CA10: variants seen among roughly 807,000 people sequenced by gnomAD.
The protein encoded by CA10 is carbonic anhydrase-related protein 10.
Under a neutral mutation model 44.2 loss-of-function variants are expected in CA10, and 14 were observed. The ratio of observed to expected loss-of-function variants is 0.32; its 90% CI spans 0.21 to 0.50. The LOEUF is 0.50. Among genes scored for constraint, CA10 ranks in the 20% least tolerant of loss-of-function variants. CA10 has a pLI of 0.99. For synonymous variants in CA10, 159 were observed against 141.6 expected, an observed-to-expected ratio of 1.12 and a Z score of -0.87; for missense variants, 350 against 409.7, an observed-to-expected ratio of 0.85 and a Z score of 1.26.
rs529160600 is a variant in CA10, at chr17:51,849,172, T to C, written c.279+81818A>G. On this transcript the variant is annotated intron_variant, in intron 3 of 8. Coordinates refer to ENST00000451037, the MANE Select transcript of CA10 (RefSeq NM_020178.5). ...ATATATATACATATATGTATATATA[T>C]ATACATATATGTATATATATATATA... 3.6e-3 allele frequency among the ~76,000 whole-genome samples: 366 copies of C among 102,964 alleles called. 2 individuals are homozygous for C. The highest frequency in any genetic ancestry group is 5.4e-3 in the Non-Finnish European group (261 of 48,628). 67.5% of individuals were successfully genotyped at this position (102,964 alleles called of 152,430 possible).
intron 4 of CA10, among the ~76,000 whole-genome samples, chr17:51,677,175 G>T (rs756446910): frequency 2.0e-5 from 3 of 152,120 alleles, no homozygotes; most frequent in Non-Finnish European, 4.4e-5. Flanking sequence ...ATAAATGGTG[G>T]TGATATGGTT....
chr17:51,666,194 C>A (rs937800690), intron 4 of CA10, among the ~76,000 whole-genome samples: 24 of 152,186 alleles, frequency 1.6e-4, no homozygotes, highest in African/African-American at 5.8e-4. Flanking sequence ...GAGGGAAGAC[C>A]TTAGAGGCAG....
intron 3 of CA10, among the ~76,000 whole-genome samples, chr17:51,836,242 A>G (rs1475210664): frequency 6.6e-6 from 1 of 152,200 alleles, no homozygotes; most frequent in Admixed American, 6.5e-5. Flanking sequence ...TCTATAGGCT[A>G]AAGGTTGGTT....
At chr17:51,849,179 A>G (rs562093606) in intron 3 of CA10, among the ~76,000 whole-genome samples, 3 of 86,028 alleles carry the variant, frequency 3.5e-5, no homozygotes, top group African/African-American at 5.1e-5. Context: ...ATATATACAT[A>G]TATGTATATA....
chr17:52,107,386 A>G (rs1988682691), intron 1 of CA10, among the ~76,000 whole-genome samples: 1 of 152,198 alleles, frequency 6.6e-6, no homozygotes, highest in Admixed American at 6.5e-5. Context: ...ATTTTCGGAA[A>G]GATAATTCCT....
chr17:51,996,966 A>G (rs1416127409), intron 2 of CA10, among the ~76,000 whole-genome samples: 1 of 152,102 alleles, frequency 6.6e-6, no homozygotes, highest in Non-Finnish European at 1.5e-5. Context: ...TTCTGAAAAT[A>G]TCTAACTTTC....
Position 51,689,011 on chromosome 17 carries a change from G to A in CA10, c.466-35275C>T, listed in dbSNP as rs143128748. On this transcript the variant is annotated intron_variant, in intron 4 of 8. Transcript: ENST00000451037. The stretch of plus-strand genomic sequence containing the variant: ...TCTCTATTTTATATAAGGGGTAACG[G>A]AGGCACAGATTTAAGCACGCAGTAG... 9.3e-3 allele frequency among the ~76,000 whole-genome samples: 1,409 copies of A among 152,236 alleles called. 8 individuals carry two copies. Among genetic ancestry groups the A allele is most frequent in the Non-Finnish European group, 0.014 (980 of 68,024 alleles).
chr17:52,084,807 C>A (rs891384360), intron 1 of CA10, among the ~76,000 whole-genome samples: 1 of 93,618 alleles, frequency 1.1e-5, no homozygotes, highest in Non-Finnish European at 2.2e-5. Context: ...TCACAGAATA[C>A]AGACTATATT....
intron 3 of CA10, among the ~76,000 whole-genome samples, chr17:51,858,793 G>T (rs989060124): frequency 1.3e-4 from 20 of 152,282 alleles, no homozygotes; most frequent in African/African-American, 4.3e-4. Flanking sequence ...AGTGGCTAGT[G>T]AAGGGTAGTT....
At chr17:52,113,668 G>A (rs1331675167) in intron 1 of CA10, among the ~76,000 whole-genome samples, 1 of 152,190 alleles carries the variant, frequency 6.6e-6, no homozygotes, top group Non-Finnish European at 1.5e-5. Flanking sequence ...AAATCCACAT[G>A]ATGTAAATTT....
chr17:51,754,962 A>G (rs1400501639), intron 3 of CA10, among the ~76,000 whole-genome samples: 1 of 151,884 alleles, frequency 6.6e-6, no homozygotes, highest in Non-Finnish European at 1.5e-5. Context: ...ATATCTGTAT[A>G]TATTATATAT....
intron 3 of CA10, among the ~76,000 whole-genome samples, chr17:51,786,725 T>C (rs974291874): frequency 5.3e-5 from 8 of 152,300 alleles, no homozygotes; most frequent in African/African-American, 1.9e-4. Context: ...AACATATTAC[T>C]GAAAAGTGGG....
intron 3 of CA10, among the ~76,000 whole-genome samples, chr17:51,865,603 A>G (rs1349465475): frequency 6.6e-6 from 1 of 152,192 alleles, no homozygotes; most frequent in Non-Finnish European, 1.5e-5. Context: ...CAGACAATAT[A>G]ATGTGTGTTG....
chr17:51,922,557 C>T (rs533972075), intron 3 of CA10, among the ~76,000 whole-genome samples: 1 of 152,302 alleles, frequency 6.6e-6, no homozygotes, highest in African/African-American at 2.4e-5. Flanking sequence ...AGCCCTTTCT[C>T]CTGCATCTCT....
chr17:51,667,781 T>G (rs1914261521), intron 4 of CA10, among the ~76,000 whole-genome samples: 1 of 152,160 alleles, frequency 6.6e-6, no homozygotes, highest in Non-Finnish European at 1.5e-5. Flanking sequence ...TTACTCTCAC[T>G]GTACTGCAGG....
At chr17:52,052,302 A>ATT (rs1567716539) in intron 2 of CA10, among the ~76,000 whole-genome samples, 1,092 of 74,880 alleles carry the variant, frequency 0.015, 9 homozygotes, top group Middle Eastern at 0.029. Context: ...TTTTTTTTAA[A>ATT]AAAAAAAAAA....
chr17:51,880,759 A>G (rs952961490), intron 3 of CA10, among the ~76,000 whole-genome samples: 18 of 152,204 alleles, frequency 1.2e-4, no homozygotes, highest in Admixed American at 3.9e-4. Flanking sequence ...AATAAAAAAA[A>G]ATAAGTAATG....
chr17:51,776,815 C>G (rs1228388881), intron 3 of CA10, among the ~76,000 whole-genome samples: 1 of 152,196 alleles, frequency 6.6e-6, no homozygotes, highest in Non-Finnish European at 1.5e-5. Flanking sequence ...AGTACCTACA[C>G]GTATTGGACA....
intron 3 of CA10, among the ~76,000 whole-genome samples, chr17:51,878,888 A>AGGG (rs1980226979): frequency 6.1e-5 from 1 of 16,472 alleles, no homozygotes; most frequent in Non-Finnish European, 1.2e-4. Context: ...ATATATATAT[A>AGGG]TATGGGTGTG....
Sources: gnomAD v4.1 joint callset for allele counts (sites outside exome capture counted in the v4.1 genomes callset) on GRCh38, gnomAD v4.1.1 for gene constraint, MANE v1.5 for transcripts, NCBI Gene and HGNC (gene_info 2026-07-23, HGNC 2026-07-21) for gene names.